SLC15A5: variants seen among roughly 807,000 people sequenced by gnomAD.
The protein encoded by SLC15A5 is Peptide/histidine transporter ENSP00000340402.
SLC15A5 carries 58 observed loss-of-function variants against 56.1 expected under a neutral mutation model. The observed-to-expected ratio is 1.03, with a 90% CI of 0.84 to 1.29. The LOEUF (loss-of-function observed/expected upper bound fraction) is 1.29, where lower values mean the gene tolerates loss of function less well. Ranked by LOEUF, SLC15A5 falls within the 50% of genes most tolerant of loss-of-function variation. The pLI is 0.00. For synonymous variants in SLC15A5, 264 were observed against 250.5 expected (o/e 1.05, Z -0.51); for missense variants, 681 against 672.1 (o/e 1.01, Z -0.15).
chr12:16,204,230 C>T (rs1421796314), intron 7 of SLC15A5, among the ~76,000 whole-genome samples: 1 of 151,850 alleles, frequency 6.6e-6, no homozygotes, highest in Non-Finnish European at 1.5e-5. Flanking sequence ...CCAAAGTGGG[C>T]TGATCACTTG....
intron 5 of SLC15A5, among the ~76,000 whole-genome samples, chr12:16,231,699 C>T (rs1256079940): frequency 6.6e-6 from 1 of 152,176 alleles, no homozygotes; most frequent in South Asian, 2.1e-4. Context: ...CTGGAGATTA[C>T]TTTTCAGAAT....
chr12:16,259,949 A>G (rs1864627243), intron 2 of SLC15A5, among the ~76,000 whole-genome samples: 1 of 151,338 alleles, frequency 6.6e-6, no homozygotes, highest in South Asian at 2.1e-4. Context: ...AGGAGATCCA[A>G]GACAAGTTCC....
At chr12:16,199,572 G>C (rs2136239348) in intron 7 of SLC15A5, among the ~76,000 whole-genome samples, 1 of 152,192 alleles carries the variant, frequency 6.6e-6, no homozygotes, top group South Asian at 2.1e-4. Flanking sequence ...AAGTACCTCT[G>C]CTTCTAAACT....
intron 5 of SLC15A5, among the ~76,000 whole-genome samples, chr12:16,233,730 G>A (rs537261586): frequency 6.6e-6 from 1 of 152,318 alleles, no homozygotes; most frequent in Non-Finnish European, 1.5e-5. Context: ...GATACTGAAA[G>A]TGTCCTCCCT....
chr12:16,257,133 C>T (rs887507337), intron 3 of SLC15A5, among the ~76,000 whole-genome samples: 1 of 151,440 alleles, frequency 6.6e-6, no homozygotes, highest in African/African-American at 2.4e-5. Context: ...GTGTGTGTGA[C>T]AGAGAGAGAG....
Position 16,205,061 on chromosome 12 carries a change from T to C in SLC15A5, c.1484-10608A>G, listed in dbSNP as rs546850815. Among the ~76,000 whole-genome samples the C allele has an allele frequency of 2.2e-4, 33 of 152,072 alleles. No individual in the cohort carries two copies. The South Asian group carries it at 2.5e-3, about 12-fold the overall frequency. On this transcript the variant is annotated intron_variant, in intron 7 of 8. Coordinates refer to ENST00000344941, the MANE Select transcript of SLC15A5 (RefSeq NM_001170798.1). ...CATAAATCACAATATTCTTAAAGTA[T>C]CATGAGCATATATAAACTGACAAAA...
intron 3 of SLC15A5, among the ~76,000 whole-genome samples, chr12:16,249,800 A>G (rs777006252): frequency 3.9e-5 from 6 of 152,076 alleles, no homozygotes; most frequent in Non-Finnish European, 8.8e-5. Context: ...ATGTATACAT[A>G]TGTATGCATA....
At chr12:16,236,719 A>G (rs1864355356) in intron 5 of SLC15A5, among the ~76,000 whole-genome samples, 1 of 152,140 alleles carries the variant, frequency 6.6e-6, no homozygotes. Flanking sequence ...CAGTCCCTGG[A>G]AGGAGAATAC....
At chr12:16,192,149 T>C (rs746028510) in intron 8 of SLC15A5, among the ~76,000 whole-genome samples, 2 of 152,128 alleles carry the variant, frequency 1.3e-5, no homozygotes, top group Non-Finnish European at 1.5e-5. Flanking sequence ...AGAAGATCTA[T>C]ATGCCAAGAA....
At chr12:16,274,785 T>G (rs1201469517) in intron 1 of SLC15A5, among the ~76,000 whole-genome samples, 1 of 152,104 alleles carries the variant, frequency 6.6e-6, no homozygotes, top group African/African-American at 2.4e-5. Flanking sequence ...CAAGGCACTT[T>G]TAGTTTGAAT....
chr12:16,251,725 A>G (rs1384209831), intron 3 of SLC15A5, among the ~76,000 whole-genome samples: 2 of 151,930 alleles, frequency 1.3e-5, no homozygotes, highest in Non-Finnish European at 2.9e-5. Flanking sequence ...GATCCACTGG[A>G]GAACGGTACC....
rs1459417458 is a variant in SLC15A5 at position 16,243,194 on chromosome 12, AT to A, written c.975+1385del. 1.4e-5 allele frequency among the ~76,000 whole-genome samples: 2 copies of A among 138,858 alleles called. No homozygotes were observed. The highest frequency in any genetic ancestry group is 3.0e-5 in the Non-Finnish European group (2 of 65,996). 91.1% of individuals were successfully genotyped at this position (138,858 alleles called of 152,430 possible). A position where few individuals can be genotyped will look rare whatever the true frequency, so the allele number is the denominator to read the frequency against. ...GGACGCTAAAATTTAAATTTTATAT[AT>A]TTTTCTTTGCTTTTTCTCTTTTTTT... On this transcript the variant is annotated intron_variant, in intron 4 of 8. Transcript: ENST00000344941. The surrounding 1 kb of genome is among the most constrained non-coding windows in gnomAD (Gnocchi z 4.4).
chr12:16,276,280 A>T (rs988205308), intron 1 of SLC15A5, among the ~76,000 whole-genome samples: 2 of 151,938 alleles, frequency 1.3e-5, no homozygotes, highest in Non-Finnish European at 2.9e-5. Flanking sequence ...ATTGTGTGAT[A>T]TGTTGAGTAC....
In SLC15A5 at chr12:16,216,996, T is replaced by C; in HGVS notation, c.1380A>G (p.Pro460=). 6.5e-7 allele frequency: 1 copy of C among 1,536,764 alleles called. No homozygotes were observed. The highest frequency in any genetic ancestry group is 8.7e-7 in the Non-Finnish European group (1 of 1,146,608). The change falls in exon 7 of 9, where the codon CCA becomes CCG. Residue 460 remains proline, a synonymous_variant. Transcript: ENST00000344941. ...TCATGGAGGTTCCTCTGACATTGCTTGGAACAAATCTGTATGATATTACAG... is the reference window on the plus strand; with the variant it reads ...TCATGGAGGTTCCTCTGACATTGCTCGGAACAAATCTGTATGATATTACAG... ...ALSVISYRFV[P]SNVRGTSMNF... is the part of the protein sequence containing the mutation.
Position 16,211,902 on chromosome 12 carries a change from C to T in SLC15A5, c.1483+4991G>A, listed in dbSNP as rs568344724. On this transcript the variant is annotated intron_variant, in intron 7 of 8. Coordinates refer to ENST00000344941, the MANE Select transcript of SLC15A5 (RefSeq NM_001170798.1). ...AGAAATCTTTTGAATTTACCGCATT[C>T]ACACCATTCTCCATTATGGTGCTAA... Among the ~76,000 whole-genome samples the T allele has an allele frequency of 2.6e-5, 4 of 152,294 alleles. No individual in the cohort carries two copies. In the East Asian group the frequency reaches 5.8e-4, roughly 22 times the overall value.
chr12:16,245,716 T>A (rs1864454973), intron 3 of SLC15A5, among the ~76,000 whole-genome samples: 1 of 152,182 alleles, frequency 6.6e-6, no homozygotes, highest in Admixed American at 6.5e-5. Context: ...GTAAATGGCA[T>A]AATAAATGTG....
intron 8 of SLC15A5, among the ~76,000 whole-genome samples, chr12:16,193,681 C>G (rs750509893): frequency 6.6e-6 from 1 of 151,746 alleles, no homozygotes; most frequent in African/African-American, 2.4e-5. Context: ...CCCCGTAAAA[C>G]CCACAAGAGG....
rs1317315279 is a variant in SLC15A5, at chr12:16,211,379, G to A, written c.1483+5514C>T. On this transcript the variant is annotated intron_variant, in intron 7 of 8. Transcript: ENST00000344941. ...TTAGGAGATCTCATTTTTAATTTAAGAGAATCTTGATGGAAATTAAACAGC... is the reference window on the plus strand; with the variant it reads ...TTAGGAGATCTCATTTTTAATTTAAAAGAATCTTGATGGAAATTAAACAGC... 2.6e-5 allele frequency among the ~76,000 whole-genome samples: 4 copies of A among 152,224 alleles called. No homozygotes were observed. In the East Asian group the frequency reaches 7.7e-4, roughly 29 times the overall value.
At chr12:16,257,624 A>T in intron 3 of SLC15A5, 77 bp downstream of exon 3, 3 of 1,164,934 alleles carry the variant, frequency 2.6e-6, no homozygotes, top group Non-Finnish European at 3.3e-6. Context: ...GAGAAGTTAT[A>T]AAGAATCAAA....
Sources: gnomAD v4.1 joint callset for allele counts (sites outside exome capture counted in the v4.1 genomes callset) on GRCh38, gnomAD v4.1.1 for gene constraint, Gnocchi (gnomAD v3.1) non-coding constraint, MANE v1.5 for transcripts, NCBI Gene and HGNC (gene_info 2026-07-23, HGNC 2026-07-21) for gene names.